Variants in PPP2R2C observed in about 807,000 individuals in gnomAD.
The protein encoded by PPP2R2C is protein phosphatase 2 regulatory subunit Bgamma.
Under a neutral mutation model 45.3 loss-of-function variants are expected in PPP2R2C, and 10 were observed. That is an observed-to-expected ratio of 0.22 (90% CI 0.14 to 0.37). The LOEUF is 0.37. Among genes scored for constraint, PPP2R2C ranks in the 10% least tolerant of loss-of-function variants. The pLI is 1.00. For synonymous variants in PPP2R2C, 257 were observed against 245.4 expected, an observed-to-expected ratio of 1.05 and a Z score of -0.44; for missense variants, 308 against 619.7, an observed-to-expected ratio of 0.50 and a Z score of 5.34.
At chr4:6,367,353 T>G (rs1373548731) in intron 5 of PPP2R2C, among the ~76,000 whole-genome samples, 1 of 152,016 alleles carries the variant, frequency 6.6e-6, no homozygotes, top group East Asian at 1.9e-4. Flanking sequence ...GACTGAACAG[T>G]GTCATCGGGC....
intron 1 of PPP2R2C, among the ~76,000 whole-genome samples, chr4:6,463,214 G>A (rs1414960019): frequency 2.0e-5 from 3 of 152,168 alleles, no homozygotes; most frequent in South Asian, 4.1e-4. Context: ...TTGGGAGCTC[G>A]CTCTCTCTCT....
chr4:6,494,097 G>A (rs1722798657), intron 2 of PPP2R2C, among the ~76,000 whole-genome samples: 1 of 152,184 alleles, frequency 6.6e-6, no homozygotes, highest in South Asian at 2.1e-4. Flanking sequence ...TGCTTTCTTG[G>A]CACTCTGGCC....
chr4:6,511,233 C>T (rs7678084), intron 2 of PPP2R2C, among the ~76,000 whole-genome samples: 11,553 of 149,608 alleles, frequency 0.077, 814 homozygotes, highest in African/African-American at 0.2. Context: ...ACATGTTAGT[C>T]GTTCCGCTGG....
intron 5 of PPP2R2C, among the ~76,000 whole-genome samples, chr4:6,352,961 G>C (rs559414231): frequency 1.3e-5 from 2 of 152,162 alleles, no homozygotes; most frequent in Non-Finnish European, 2.9e-5. Context: ...AGAGGAGAAG[G>C]CCATGTGGAG....
In PPP2R2C at chr4:6,333,548, G is replaced by A. The variant is rs761385628; in HGVS notation, c.960+14C>T. On this transcript the variant is annotated intron_variant, in intron 7 of 8. Transcript: ENST00000382599. ...AAAGACCCGGGATTGGGGGTCTCCT[G>A]CTGTGGTGCCCACCTGGTAGGTCTC... 5.0e-6 allele frequency: 8 copies of A among 1,611,182 alleles called. No individual in the cohort carries two copies. The African/African-American group carries it at 1.1e-4, about 22-fold the overall frequency.
At chr4:6,535,764 A>G (rs148647367) in intron 1 of PPP2R2C, among the ~76,000 whole-genome samples, 1 of 152,298 alleles carries the variant, frequency 6.6e-6, no homozygotes, top group Non-Finnish European at 1.5e-5. Context: ...ACATGGAACT[A>G]GAAGCCCCGC....
intron 1 of PPP2R2C, among the ~76,000 whole-genome samples, chr4:6,446,232 C>T (rs887104470): frequency 2.6e-5 from 4 of 152,202 alleles, no homozygotes; most frequent in African/African-American, 9.7e-5. Flanking sequence ...CCTGCAGCGT[C>T]GTCAAACCAC....
intron 1 of PPP2R2C, among the ~76,000 whole-genome samples, chr4:6,558,343 G>T (rs930369762): frequency 6.6e-6 from 1 of 152,178 alleles, no homozygotes; most frequent in Non-Finnish European, 1.5e-5. Flanking sequence ...CCATCCATGG[G>T]GACAGGGAAA....
chr4:6,535,559 G>A (rs991861920), intron 1 of PPP2R2C, among the ~76,000 whole-genome samples: 3 of 152,144 alleles, frequency 2.0e-5, no homozygotes, highest in Non-Finnish European at 1.5e-5. Flanking sequence ...TGCAGGAGCC[G>A]CCTGAGCCTC....
At chr4:6,440,389 G>A (rs1403661920) in intron 1 of PPP2R2C, among the ~76,000 whole-genome samples, 2 of 152,224 alleles carry the variant, frequency 1.3e-5, no homozygotes, top group South Asian at 2.1e-4. Context: ...CCATGAGCAG[G>A]AAAACCAGAA....
At chr4:6,412,951 T>C (rs1053177583) in intron 1 of PPP2R2C, among the ~76,000 whole-genome samples, 1 of 152,222 alleles carries the variant, frequency 6.6e-6, no homozygotes, top group Non-Finnish European at 1.5e-5. Flanking sequence ...GGCACCTTCA[T>C]CTTGGACTTC....
At chr4:6,434,921 T>C (rs779736200) in intron 1 of PPP2R2C, among the ~76,000 whole-genome samples, 8 of 150,680 alleles carry the variant, frequency 5.3e-5, no homozygotes, top group Admixed American at 1.3e-4. Flanking sequence ...CATTCTTCTA[T>C]TGAATTTTTT....
intron 2 of PPP2R2C, among the ~76,000 whole-genome samples, chr4:6,521,070 A>T (rs1004130220): frequency 5.3e-5 from 8 of 152,186 alleles, no homozygotes; most frequent in Non-Finnish European, 2.9e-5. Flanking sequence ...CAAGGCTTGG[A>T]AAGTAAGGTT....
Position 6,471,230 on chromosome 4 carries a change from G to T in PPP2R2C, c.70+930C>A, listed in dbSNP as rs1721863355. On this transcript the variant is annotated intron_variant, in intron 1 of 8. Transcript: ENST00000382599. This position sits in a 1 kb window ranked among gnomAD's most constrained non-coding sequence, Gnocchi z 5.6. ...CCAGCCCGTGGGTTAGCGGCTGACAGTCCCCGCACTCGGGCAGGGCTCCAG... is the reference window on the plus strand; with the variant it reads ...CCAGCCCGTGGGTTAGCGGCTGACATTCCCCGCACTCGGGCAGGGCTCCAG... 3.3e-5 allele frequency among the ~76,000 whole-genome samples: 5 copies of T among 152,082 alleles called. No homozygotes were observed.
chr4:6,547,738 C>T (rs189941574), intron 1 of PPP2R2C, among the ~76,000 whole-genome samples: 1 of 152,104 alleles, frequency 6.6e-6, no homozygotes, highest in Non-Finnish European at 1.5e-5. Flanking sequence ...GCTAGTGGTG[C>T]TGAAACAACC....
rs1715557073 is a variant in PPP2R2C at position 6,378,791 on chromosome 4, C to G, written c.169-219G>C. Among the ~76,000 whole-genome samples, 1 of 152,114 alleles carries G rather than the reference C, an allele frequency of 6.6e-6. No individual in the cohort carries two copies. The highest frequency in any genetic ancestry group is 2.4e-5 in the African/African-American group (1 of 41,424). On this transcript the variant is annotated intron_variant, in intron 2 of 8. Coordinates refer to ENST00000382599, the MANE Select transcript of PPP2R2C (RefSeq NM_020416.4). The surrounding 1 kb of genome is among the most constrained non-coding windows in gnomAD (Gnocchi z 5.2). ...CCCGTGCGGTCCCATGAAACACTCACACCCGAGCCGGCTAACTTGCTAATG... is the reference window on the plus strand; with the variant it reads ...CCCGTGCGGTCCCATGAAACACTCAGACCCGAGCCGGCTAACTTGCTAATG...
upstream of PPP2R2C, among the ~76,000 whole-genome samples, chr4:6,476,770 TG>T (rs963206147): frequency 9.2e-5 from 14 of 152,330 alleles, no homozygotes; most frequent in East Asian, 2.5e-3. Context: ...ATTTGCACAA[TG>T]TTTTTTTTCT....
chr4:6,358,122 T>G (rs896653777), intron 5 of PPP2R2C, among the ~76,000 whole-genome samples: 1 of 152,168 alleles, frequency 6.6e-6, no homozygotes, highest in African/African-American at 2.4e-5. Flanking sequence ...AGCATGGTAC[T>G]GGTACCAAAA....
At position 6,345,207 on chromosome 4, in the gene PPP2R2C, CCT is replaced by C. The variant is rs762740268; in HGVS notation, c.790+2637_790+2638del. On this transcript the variant is annotated intron_variant, in intron 6 of 8. Transcript: ENST00000382599. This position sits in a 1 kb window ranked among gnomAD's most constrained non-coding sequence, Gnocchi z 5.3. Reference sequence around the variant, plus strand: ...AGCGGACCAGGAGCAGGAAGAACCCCCTCTCTTCCCCAATATTCTCCCATTCC... The same window carrying C: ...AGCGGACCAGGAGCAGGAAGAACCCCCTCTTCCCCAATATTCTCCCATTCC... Among the ~76,000 whole-genome samples the C allele has an allele frequency of 4.6e-5, 7 of 152,170 alleles. No homozygotes were observed. Among genetic ancestry groups the C allele is most frequent in the Non-Finnish European group, 8.8e-5 (6 of 68,044 alleles).
Sources: allele counts gnomAD v4.1 joint callset (sites outside exome capture counted in the v4.1 genomes callset), GRCh38; gene constraint gnomAD v4.1.1; non-coding constraint Gnocchi (gnomAD v3.1); transcripts MANE v1.5; gene names NCBI Gene and HGNC (gene_info 2026-07-23, HGNC 2026-07-21).